The following PTPRB variants were observed in gnomAD, a reference collection of about 807,000 sequenced individuals.
The protein encoded by PTPRB is receptor-type tyrosine-protein phosphatase beta.
Under a neutral mutation model 238.1 loss-of-function variants are expected in PTPRB, and 97 were observed. That is an observed-to-expected ratio of 0.41 (90% CI 0.35 to 0.48). The LOEUF (loss-of-function observed/expected upper bound fraction) is 0.48. Ranked by LOEUF, PTPRB falls within the 20% of genes least tolerant of loss-of-function variation. The pLI, the probability that PTPRB is intolerant of heterozygous loss-of-function variation, is 0.30. For synonymous variants in PTPRB, 970 were observed against 995.4 expected, an observed-to-expected ratio of 0.97 and a Z score of 0.48; for missense variants, 2,292 against 2,681.9, an observed-to-expected ratio of 0.85 and a Z score of 3.21.
chr12:70,539,136 T>TGTTG, intron 26 of PTPRB, 122 bp from the exon 27 acceptor site: 1 of 790,684 alleles, frequency 1.3e-6, no homozygotes, highest in Non-Finnish European at 2.1e-6. Context: ...TATGAATGCC[T>TGTTG]AGTACTCAAC....
At chr12:70,593,585 C>T (rs1038553823) in intron 6 of PTPRB, among the ~76,000 whole-genome samples, 1 of 147,038 alleles carries the variant, frequency 6.8e-6, no homozygotes, top group Non-Finnish European at 1.5e-5. Context: ...GTCAGGAATG[C>T]AATTTGCTCT....
chr12:70,608,485 T>G (rs1409389306), intron 4 of PTPRB, among the ~76,000 whole-genome samples: 6 of 152,100 alleles, frequency 3.9e-5, no homozygotes, highest in Non-Finnish European at 8.8e-5. Flanking sequence ...GTAAGGAAAA[T>G]AATTGCTGTA....
chr12:70,574,561 G>C (rs1880477568), intron 11 of PTPRB, among the ~76,000 whole-genome samples: 1 of 152,170 alleles, frequency 6.6e-6, no homozygotes, highest in African/African-American at 2.4e-5. Context: ...AGTCAATAAG[G>C]AGCTCTCCAG....
At chr12:70,625,779 G>A (rs1316911187) in intron 2 of PTPRB, among the ~76,000 whole-genome samples, 1 of 152,102 alleles carries the variant, frequency 6.6e-6, no homozygotes, top group Non-Finnish European at 1.5e-5. Flanking sequence ...GCTTTATTGT[G>A]TCATTGTTAC....
chr12:70,548,318 A>ACTCTCT (rs71457058), intron 21 of PTPRB, among the ~76,000 whole-genome samples: 25 of 127,904 alleles, frequency 2.0e-4, no homozygotes, highest in South Asian at 1.2e-3. Context: ...ACACAGCAAG[A>ACTCTCT]CTCTCTCTCT....
At chr12:70,545,963 C>G (rs1035206359) in intron 21 of PTPRB, among the ~76,000 whole-genome samples, 1 of 152,094 alleles carries the variant, frequency 6.6e-6, no homozygotes, top group Non-Finnish European at 1.5e-5. Flanking sequence ...GTGGCAAAAC[C>G]CCGTCTCTAC....
At chr12:70,550,759 TCCC>T (rs1876754340) in intron 21 of PTPRB, among the ~76,000 whole-genome samples, 3 of 152,044 alleles carry the variant, frequency 2.0e-5, no homozygotes, top group Admixed American at 2.0e-4. Flanking sequence ...TCTTCACCCC[TCCC>T]CTTTCCATAA....
chr12:70,632,504 C>A (rs1357650651), intron 2 of PTPRB, among the ~76,000 whole-genome samples: 1 of 151,448 alleles, frequency 6.6e-6, no homozygotes, highest in Non-Finnish European at 1.5e-5. Flanking sequence ...GTGCAGCAAA[C>A]CAACATGGCA....
intron 3 of PTPRB, among the ~76,000 whole-genome samples, chr12:70,616,312 C>T (rs1399038088): frequency 4.6e-5 from 7 of 152,170 alleles, no homozygotes; most frequent in Admixed American, 4.6e-4. Flanking sequence ...TTGGCCTTTT[C>T]GAATGATACA....
rs760818532 is a variant in PTPRB at position 70,587,297 on chromosome 12, T to C, written c.2051-30A>G. 6.8e-6 allele frequency: 11 copies of C among 1,610,304 alleles called. No homozygotes were observed. In the Admixed American group the frequency reaches 1.5e-4, roughly 22 times the overall value. ...GGAAAAAGCAATGGAGATGGGTCAT[T>C]GATGGACTGAGGCATATTCATAGGG... On this transcript the variant is annotated intron_variant, in intron 8 of 33. Transcript: ENST00000334414.
intron 7 of PTPRB, 117 bp from the exon 8 acceptor site, chr12:70,590,350 C>T: frequency 1.9e-6 from 2 of 1,054,826 alleles, no homozygotes; most frequent in Non-Finnish European, 1.3e-6. Context: ...CAAAACATTT[C>T]TATCCCCTCT....
chr12:70,609,267 T>C lies in PTPRB; in HGVS notation c.781A>G (p.Ile261Val). Residue 261 changes from isoleucine (I) to valine (V), a missense_variant, in exon 4 of 34, where the codon ATC (isoleucine) becomes GTC (valine). Around this residue, in one of 4 missense-constraint regions of PTPRB, gnomAD observed 1,205 missense variants for 1,287.8 expected, o/e 0.94. Coordinates refer to ENST00000334414, the MANE Select transcript of PTPRB (RefSeq NM_001109754.4). ...GGTGAGCCCAAAATTCTCCACTGGA[T>C]AGACACAGAATGGCTGGAGGCCTTG... ...ESKASSHSVSIQWRILGSPCN... is the reference protein window; with the variant it reads ...ESKASSHSVSVQWRILGSPCN... 6.2e-7 allele frequency: 1 copy of C among 1,614,022 alleles called. No individual in the cohort carries two copies. The highest frequency in any genetic ancestry group is 8.5e-7 in the Non-Finnish European group (1 of 1,179,902).
In PTPRB at chr12:70,592,282, A is replaced by T; in HGVS notation, c.1780T>A (p.Phe594Ile). 2.5e-6 allele frequency: 4 copies of T among 1,614,004 alleles called. No homozygotes were observed. The highest frequency in any genetic ancestry group is 3.4e-6 in the Non-Finnish European group (4 of 1,179,888). The change falls in exon 7 of 34, where the codon TTT becomes ATT. Residue 594 changes from phenylalanine to isoleucine, a missense_variant and splice_region_variant. Phe to Ile is a conservative substitution (Grantham distance 21). This residue lies in a region of PTPRB where 1,205 missense variants were observed against 1,287.8 expected (regional missense o/e 0.94). Coordinates refer to ENST00000334414, the MANE Select transcript of PTPRB (RefSeq NM_001109754.4). ...SAQKMAVGRT[F>I]PDKVANLEAN... ...GAACATTCTGGAGCCCAAGACTCAC[A>T]TGTTCTGCCCACTGCCATCTTCTGA...
At chr12:70,627,983 T>C (rs1357022813) in intron 2 of PTPRB, among the ~76,000 whole-genome samples, 2 of 152,212 alleles carry the variant, frequency 1.3e-5, no homozygotes, top group African/African-American at 2.4e-5. Context: ...TCTTTTACAA[T>C]GTTCACACAT....
At chr12:70,550,738 G>A (rs1876749317) in intron 21 of PTPRB, among the ~76,000 whole-genome samples, 1 of 152,136 alleles carries the variant, frequency 6.6e-6, no homozygotes, top group South Asian at 2.1e-4. Flanking sequence ...TTGAAATTTA[G>A]TAATGAGTTA....
At chr12:70,538,890 A>G in intron 27 of PTPRB, 34 bp downstream of exon 27, 1 of 1,529,672 alleles carries the variant, frequency 6.5e-7, no homozygotes, top group Non-Finnish European at 9.0e-7. Context: ...TGGCTAGAGG[A>G]AGACAGTATT....
At chr12:70,568,308 C>CT (rs1565954227) in intron 14 of PTPRB, among the ~76,000 whole-genome samples, 1 of 151,716 alleles carries the variant, frequency 6.6e-6, no homozygotes, top group African/African-American at 2.4e-5. Context: ...TGCCCACTTT[C>CT]TTTTTTTGGA....
rs183474970 is a variant in PTPRB, at chr12:70,604,420, C to G, written c.979+4649G>C. 1.0e-3 allele frequency among the ~76,000 whole-genome samples: 154 copies of G among 152,230 alleles called. 1 individual carries two copies. The highest frequency in any genetic ancestry group is 3.5e-3 in the African/African-American group (144 of 41,538). On this transcript the variant is annotated intron_variant, in intron 4 of 33. Transcript: ENST00000334414. ...TAATAGAAAAATTATGTCAATAGTT[C>G]TTAAACTTGTGTGCATCGATTCACT... is the stretch of plus-strand genomic sequence containing the variant.
intron 15 of PTPRB, 150 bp downstream of exon 15, chr12:70,566,285 A>G: frequency 3.0e-6 from 3 of 1,004,948 alleles, no homozygotes; most frequent in South Asian, 1.7e-5. Context: ...GGCAACTGAC[A>G]TGGAAGTGGC....
Sources: gnomAD v4.1 joint callset for allele counts (sites outside exome capture counted in the v4.1 genomes callset) on GRCh38, gnomAD v4.1.1 for gene constraint, gnomAD v4.1.1 regional missense constraint, MANE v1.5 for transcripts, NCBI Gene and HGNC (gene_info 2026-07-23, HGNC 2026-07-21) for gene names.